MYO1F: variants seen among roughly 807,000 people sequenced by gnomAD.
MYO1F encodes unconventional myosin-If.
In MYO1F, 60 loss-of-function variants were observed where a neutral mutation model predicts 146.6. The observed-to-expected ratio is 0.41, with a 90% confidence interval of 0.33 to 0.51. MYO1F has a LOEUF of 0.51. Ranked by LOEUF, MYO1F falls within the 20% of genes least tolerant of loss-of-function variation. The pLI is 0.25. For synonymous variants in MYO1F, 602 were observed against 602.1 expected, an observed-to-expected ratio of 1.00 and a Z score of 0.00; for missense variants, 1,274 against 1,534.3, an observed-to-expected ratio of 0.83 and a Z score of 2.83.
intron 1 of MYO1F, among the ~76,000 whole-genome samples, chr19:8,560,801 C>T (rs907442431): frequency 1.6e-4 from 23 of 147,982 alleles, no homozygotes; most frequent in South Asian, 8.6e-4. Flanking sequence ...CGCAGTGGCA[C>T]GATCTCGGCT....
chr19:8,535,685 C>CTT (rs543450885), intron 19 of MYO1F, among the ~76,000 whole-genome samples: 3 of 145,782 alleles, frequency 2.1e-5, no homozygotes, highest in African/African-American at 2.5e-5. Flanking sequence ...TTCTTTCTTT[C>CTT]TTTTTTTTTT....
In MYO1F at chr19:8,550,162, C is replaced by T. The variant is rs769167899; in HGVS notation, c.1099G>A (p.Glu367Lys). The change falls in exon 10 of 28, where the codon GAG (glutamate) becomes AAG (lysine). Residue 367 changes from glutamate to lysine, a missense_variant and splice_region_variant. Glu to Lys is a moderately conservative substitution (Grantham distance 56, BLOSUM62 1). This residue lies in a region of MYO1F where 900 missense variants were observed against 1,155.1 expected (regional missense o/e 0.78). Transcript: ENST00000644032. ...LYARLFDFLV[E>K]AINRAMQKPQ... ...CTTCCAGCCCCAGCCCCACTCGCCT[C>T]CACGAGGAAGTCGAAGAGGCGGGCA... 2.7e-5 allele frequency: 44 copies of T among 1,613,884 alleles called. No homozygotes were observed. Among genetic ancestry groups the T allele is most frequent in the Admixed American group, 5.0e-5 (3 of 59,998 alleles).
At chr19:8,573,963 A>G (rs932381294) in intron 1 of MYO1F, among the ~76,000 whole-genome samples, 26 of 152,172 alleles carry the variant, frequency 1.7e-4, no homozygotes, top group African/African-American at 5.8e-4. Flanking sequence ...TCAAAACCCA[A>G]CATTGAACCA....
intron 2 of MYO1F, 55 bp from the exon 3 acceptor site, chr19:8,554,798 C>T: frequency 6.6e-7 from 1 of 1,507,286 alleles, no homozygotes; most frequent in Non-Finnish European, 9.2e-7. Flanking sequence ...CCTCCCTGTC[C>T]CCTCATCCTG....
chr19:8,544,030 CGGTGGCGGTGCTGG>C (rs1973216711), intron 14 of MYO1F: 20 of 290,006 alleles, frequency 6.9e-5, no homozygotes, highest in Non-Finnish European at 1.1e-4. Flanking sequence ...GTGGCGGTGG[CGGTGGCGGTGCTGG>C]TGGTGGTGGT....
intron 8 of MYO1F, among the ~76,000 whole-genome samples, chr19:8,550,918 T>A (rs1401416190): frequency 6.6e-6 from 1 of 152,150 alleles, no homozygotes; most frequent in East Asian, 1.9e-4. Context: ...TCTCCCTCTG[T>A]TGCCCAGGCT....
rs561818983 is a variant in MYO1F, at chr19:8,526,794, G to C, written c.2616C>G (p.Ser872Arg). 1 of 1,610,208 alleles carries C rather than the reference G, an allele frequency of 6.2e-7. No individual in the cohort carries two copies. Among genetic ancestry groups the C allele is most frequent in the African/African-American group, 1.3e-5 (1 of 74,968 alleles). Residue 872 changes from serine to arginine, a missense_variant, in exon 23 of 28, where the codon AGC (serine) becomes AGG (arginine). By Grantham distance (110) the Ser-to-Arg change is moderately radical (BLOSUM62 -1). Transcript: ENST00000644032. ...TGGGGTTGGCGGGGCCGTACGTGTC[G>C]CTGAAGGTGAGGGGCAGGGGCCTCC... is the stretch of plus-strand genomic sequence containing the variant. ...ATRRPLPLTFSDTLQFRVKKE... is the reference protein window; with the variant it reads ...ATRRPLPLTFRDTLQFRVKKE...
intron 1 of MYO1F, among the ~76,000 whole-genome samples, chr19:8,573,307 T>C (rs1370147502): frequency 4.6e-5 from 7 of 151,062 alleles, no homozygotes; most frequent in African/African-American, 1.7e-4. Context: ...CGAGACTCTG[T>C]CTCAAAAAAA....
At chr19:8,547,627 A>G (rs1449758980) in intron 12 of MYO1F, among the ~76,000 whole-genome samples, 1 of 145,970 alleles carries the variant, frequency 6.9e-6, no homozygotes, top group Non-Finnish European at 1.5e-5. Flanking sequence ...AAAATCCCTG[A>G]CTTACTTCCT....
chr19:8,560,984 G>A (rs376925638), intron 1 of MYO1F, among the ~76,000 whole-genome samples: 313 of 151,874 alleles, frequency 2.1e-3, no homozygotes, highest in Middle Eastern at 0.014. Context: ...TGATCTGCCC[G>A]CCTCGGCCTC....
At chr19:8,527,701 C>G (rs775809521) in intron 21 of MYO1F, among the ~76,000 whole-genome samples, 34 of 152,202 alleles carry the variant, frequency 2.2e-4, no homozygotes, top group Non-Finnish European at 3.8e-4. Flanking sequence ...CAACCTCCCC[C>G]TCCTGGGCTT....
intron 1 of MYO1F, among the ~76,000 whole-genome samples, chr19:8,565,698 G>T (rs1266385959): frequency 6.6e-6 from 1 of 152,096 alleles, no homozygotes; most frequent in Non-Finnish European, 1.5e-5. Flanking sequence ...AGGCACAGCT[G>T]TGTCAGTGGG....
chr19:8,534,083 G>A (rs916319764), intron 19 of MYO1F, among the ~76,000 whole-genome samples: 1 of 151,348 alleles, frequency 6.6e-6, no homozygotes, highest in East Asian at 2.0e-4. Context: ...GGAGGCTGAG[G>A]CAGGAGAATT....
chr19:8,532,571 T>C (rs562887958), intron 19 of MYO1F, among the ~76,000 whole-genome samples: 60 of 152,156 alleles, frequency 3.9e-4, no homozygotes, highest in African/African-American at 1.4e-3. Context: ...GACAATATTG[T>C]CAATTAGTGA....
intron 13 of MYO1F, among the ~76,000 whole-genome samples, chr19:8,545,031 G>T (rs534431035): frequency 6.6e-6 from 1 of 152,264 alleles, no homozygotes; most frequent in East Asian, 1.9e-4. Flanking sequence ...ACCTGCCTTG[G>T]CCTCCCAAAG....
chr19:8,547,043 GTCC>G (rs1378761824), intron 12 of MYO1F, among the ~76,000 whole-genome samples: 1 of 152,086 alleles, frequency 6.6e-6, no homozygotes, highest in African/African-American at 2.4e-5. Context: ...CATGCCTGTA[GTCC>G]CAGCACTTTG....
At chr19:8,521,717 A>C in intron 27 of MYO1F, 113 bp from the exon 28 acceptor site, 1 of 989,002 alleles carries the variant, frequency 1.0e-6, no homozygotes. Flanking sequence ...GGCTGGTCTT[A>C]AACTCCTAGG....
chr19:8,554,778 T>C (rs368938645), intron 2 of MYO1F, 35 bp from the exon 3 acceptor site: 6 of 1,600,384 alleles, frequency 3.7e-6, no homozygotes, highest in African/African-American at 1.3e-5. Context: ...GGTGTCCTGG[T>C]AGGTTTTGTC....
chr19:8,543,837 GTGGTGGTGGTGGTGGTGGTGC>G (rs1973155540), intron 14 of MYO1F, among the ~76,000 whole-genome samples: 1 of 22,402 alleles, frequency 4.5e-5, no homozygotes, highest in African/African-American at 1.9e-4. Context: ...GGTGGTGGTG[GTGGTGGTGGTGGTGGTGGTGC>G]TGGTGGTGCT....
Sources: allele counts gnomAD v4.1 joint callset (sites outside exome capture counted in the v4.1 genomes callset), GRCh38; gene constraint gnomAD v4.1.1; regional missense constraint gnomAD v4.1.1; transcripts MANE v1.5; gene names NCBI Gene and HGNC (gene_info 2026-07-23, HGNC 2026-07-21).